SPATA16: variants seen among roughly 807,000 people sequenced by gnomAD.
The protein encoded by SPATA16 is spermatogenesis associated 16.
Under a neutral mutation model 63.3 loss-of-function variants are expected in SPATA16, and 36 were observed. The ratio of observed to expected loss-of-function variants is 0.57; its 90% CI spans 0.44 to 0.75. SPATA16 has a LOEUF of 0.75. Ranked by LOEUF, SPATA16 falls within the 30% of genes least tolerant of loss-of-function variation. The pLI is 0.00. For synonymous variants in SPATA16, 203 were observed against 216.7 expected, an observed-to-expected ratio of 0.94 and a Z score of 0.56; for missense variants, 646 against 679.3, an observed-to-expected ratio of 0.95 and a Z score of 0.54.
intron 10 of SPATA16, among the ~76,000 whole-genome samples, chr3:172,902,333 C>T (rs1033025023): frequency 9.9e-5 from 15 of 152,258 alleles, no homozygotes; most frequent in East Asian, 3.9e-4. Flanking sequence ...TGAGCCACCA[C>T]GCCCAGCCAT....
At chr3:173,010,259 GC>G (rs1002513709) in intron 4 of SPATA16, among the ~76,000 whole-genome samples, 1 of 152,138 alleles carries the variant, frequency 6.6e-6, no homozygotes, top group Non-Finnish European at 1.5e-5. Flanking sequence ...CCCCTCTGTT[GC>G]CCCCAGGTTG....
chr3:173,099,242 AAGAG>A (rs771364255), intron 2 of SPATA16, among the ~76,000 whole-genome samples: 13 of 151,676 alleles, frequency 8.6e-5, no homozygotes, highest in Non-Finnish European at 1.3e-4. Context: ...AAGAGACAGA[AAGAG>A]AGAGAGAGAG....
intron 2 of SPATA16, among the ~76,000 whole-genome samples, chr3:173,058,218 A>G (rs1274048179): frequency 2.6e-5 from 4 of 152,036 alleles, no homozygotes; most frequent in African/African-American, 4.8e-5. Context: ...GTTAATAAAT[A>G]TATATATCAT....
intron 2 of SPATA16, among the ~76,000 whole-genome samples, chr3:173,088,089 T>TTC (rs1490076251): frequency 2.3e-5 from 3 of 128,808 alleles, no homozygotes; most frequent in African/African-American, 3.7e-5. Flanking sequence ...TGTCTTTTCT[T>TTC]TTTTTTTTTT....
At chr3:172,932,086 T>C (rs1553177) in intron 6 of SPATA16, among the ~76,000 whole-genome samples, 75,194 of 152,014 alleles carry the variant, frequency 0.49, 21,689 homozygotes, top group South Asian at 0.68. Context: ...GCTGTATTTG[T>C]TATGTAGTTA....
At chr3:173,088,454 G>A (rs1275084987) in intron 2 of SPATA16, among the ~76,000 whole-genome samples, 1 of 152,000 alleles carries the variant, frequency 6.6e-6, no homozygotes, top group Non-Finnish European at 1.5e-5. Context: ...TGTATACCTT[G>A]ATGTAGCTTT....
intron 2 of SPATA16, among the ~76,000 whole-genome samples, chr3:173,099,272 GAA>G (rs1560122356): frequency 9.9e-5 from 15 of 152,016 alleles, no homozygotes; most frequent in Non-Finnish European, 2.9e-5. Flanking sequence ...GAGAGAGAGA[GAA>G]AGAGAGATGG....
At chr3:173,092,636 A>C (rs764899746) in intron 2 of SPATA16, among the ~76,000 whole-genome samples, 10 of 152,052 alleles carry the variant, frequency 6.6e-5, no homozygotes, top group Non-Finnish European at 1.3e-4. Flanking sequence ...CAAAACCCAG[A>C]TTCTCCCCTA....
intron 3 of SPATA16, among the ~76,000 whole-genome samples, chr3:173,023,701 G>GT (rs1330592241): frequency 6.6e-6 from 1 of 151,286 alleles, no homozygotes; most frequent in African/African-American, 2.4e-5. Context: ...ATATTTTAAA[G>GT]TTTTTTTAAA....
At position 172,925,346 on chromosome 3, in the gene SPATA16, C is replaced by T; in HGVS notation, c.1228G>A (p.Glu410Lys). 2 of 1,613,818 alleles carry T rather than the reference C, an allele frequency of 1.2e-6. No homozygotes were observed. Among genetic ancestry groups the T allele is most frequent in the Admixed American group, 3.3e-5 (2 of 59,990 alleles). ...ISSRKLPIFT[E>K]HKTPFGLTRE... is the part of the protein sequence containing the mutation. ...GACCTTGTAGGTTCAGATGATTTAC[C>T]TGTGAATATCGGCAGCTTCCTGCTT... Residue 410 changes from glutamate to lysine, a missense_variant and splice_region_variant, in exon 7 of 11, where the codon GAG becomes AAG. By Grantham distance (56) the Glu-to-Lys change is moderately conservative (BLOSUM62 1). Coordinates refer to ENST00000351008, the MANE Select transcript of SPATA16 (RefSeq NM_031955.6).
intron 4 of SPATA16, among the ~76,000 whole-genome samples, chr3:172,990,629 G>A (rs1734554226): frequency 6.6e-6 from 1 of 152,110 alleles, no homozygotes; most frequent in Non-Finnish European, 1.5e-5. Context: ...TTCATGAAGG[G>A]CACTCTGGCT....
chr3:172,949,098 C>G (rs1219311651), intron 6 of SPATA16, among the ~76,000 whole-genome samples: 2 of 152,066 alleles, frequency 1.3e-5, no homozygotes, highest in Non-Finnish European at 2.9e-5. Context: ...TAAAGGGTAT[C>G]TGGAGAGCTG....
intron 6 of SPATA16, among the ~76,000 whole-genome samples, chr3:172,938,751 A>G (rs1203674080): frequency 6.6e-6 from 1 of 152,140 alleles, no homozygotes; most frequent in Non-Finnish European, 1.5e-5. Context: ...AGAATCACAG[A>G]AAGTTTGGTT....
Position 172,977,891 on chromosome 3 carries a change from C to G in SPATA16, c.849-839G>C, listed in dbSNP as rs1029394689. Among the ~76,000 whole-genome samples, 6 of 152,122 alleles carry G rather than the reference C, an allele frequency of 3.9e-5. No homozygotes were observed. The East Asian group carries it at 7.7e-4, about 19-fold the overall frequency. ...TAAGTAGAGCTATGACTGTGTACCC[C>G]TGAATGTTTTTCTTATCTTTGCCTG... On this transcript the variant is annotated intron_variant, in intron 4 of 10. Coordinates refer to ENST00000351008, the MANE Select transcript of SPATA16 (RefSeq NM_031955.6).
intron 4 of SPATA16, among the ~76,000 whole-genome samples, chr3:173,018,461 A>G (rs1735246169): frequency 6.6e-6 from 1 of 151,922 alleles, no homozygotes; most frequent in Non-Finnish European, 1.5e-5. Context: ...TTTTCAGTAG[A>G]GACAGGGTTT....
intron 6 of SPATA16, among the ~76,000 whole-genome samples, chr3:172,943,295 C>T (rs1448057340): frequency 6.6e-6 from 1 of 152,200 alleles, no homozygotes; most frequent in Non-Finnish European, 1.5e-5. Flanking sequence ...CAAAGATCTA[C>T]AGCAAACTTT....
intron 5 of SPATA16, 113 bp downstream of exon 5, chr3:172,976,855 T>C: frequency 1.2e-6 from 1 of 826,920 alleles, no homozygotes; most frequent in South Asian, 1.4e-5. Flanking sequence ...ACCTTCTTTC[T>C]GATTGATATG....
intron 2 of SPATA16, among the ~76,000 whole-genome samples, chr3:173,051,623 C>T (rs116776708): frequency 0.044 from 6,750 of 152,176 alleles, 492 homozygotes; most frequent in African/African-American, 0.15. Flanking sequence ...AGGCAGGAGC[C>T]ACGGCGCTTG....
In SPATA16 at chr3:172,961,964, G is replaced by T. The variant is rs117276744; in HGVS notation, c.934-5140C>A. ...TTTTCCTGTCAGCTGCCTTAAGAAA[G>T]AGGACTCAGCCAGGCACGATCCTCA... On this transcript the variant is annotated intron_variant, in intron 5 of 10. Transcript: ENST00000351008. Among the ~76,000 whole-genome samples the T allele has an allele frequency of 2.5e-3, 380 of 152,078 alleles. 14 individuals are homozygous for T. The East Asian group carries it at 0.07, about 28-fold the overall frequency.
Sources: gnomAD v4.1 joint callset for allele counts (sites outside exome capture counted in the v4.1 genomes callset) on GRCh38, gnomAD v4.1.1 for gene constraint, MANE v1.5 for transcripts, NCBI Gene and HGNC (gene_info 2026-07-23, HGNC 2026-07-21) for gene names.